The following SESN1 variants were observed in gnomAD, a reference collection of about 807,000 sequenced individuals.
SESN1 encodes sestrin 1.
SESN1 carries 30 observed loss-of-function variants against 59.3 expected under a neutral mutation model. The observed-to-expected ratio is 0.51, with a 90% CI of 0.38 to 0.69. The LOEUF is 0.69. Ranked by LOEUF, SESN1 falls within the 30% of genes least tolerant of loss-of-function variation. The pLI, the probability that SESN1 is intolerant of heterozygous loss-of-function variation, is 0.00. For missense variants in SESN1, 566 were observed against 673.0 expected (o/e 0.84, Z 1.76); for synonymous variants, 197 against 219.9 (o/e 0.90, Z 0.92).
intron 1 of SESN1, among the ~76,000 whole-genome samples, chr6:109,093,207 T>C (rs1403854583): frequency 6.6e-6 from 1 of 152,212 alleles, no homozygotes; most frequent in Non-Finnish European, 1.5e-5. Context: ...CAGAGAAAGC[T>C]AGTTGAGCAA....
chr6:108,989,576 T>C (rs1779316534), intron 8 of SESN1, among the ~76,000 whole-genome samples: 1 of 151,328 alleles, frequency 6.6e-6, no homozygotes, highest in Non-Finnish European at 1.5e-5. Flanking sequence ...TCTAGAGATA[T>C]CTATATATAG....
At chr6:109,069,745 G>GT (rs937981680) in intron 1 of SESN1, among the ~76,000 whole-genome samples, 8 of 148,300 alleles carry the variant, frequency 5.4e-5, no homozygotes, top group African/African-American at 1.8e-4. Flanking sequence ...ATGGTGGGAG[G>GT]GGGGGTCTCA....
At chr6:109,006,026 G>T (rs1168693604) in intron 1 of SESN1, among the ~76,000 whole-genome samples, 1 of 151,990 alleles carries the variant, frequency 6.6e-6, no homozygotes, top group African/African-American at 2.4e-5. Context: ...CTTATTTCTT[G>T]AATAACACTG....
intron 1 of SESN1, among the ~76,000 whole-genome samples, chr6:109,019,599 T>G (rs1779978068): frequency 6.6e-6 from 1 of 152,206 alleles, no homozygotes; most frequent in African/African-American, 2.4e-5. Context: ...CTCTTATCCT[T>G]TAGTGACACA....
intron 1 of SESN1, among the ~76,000 whole-genome samples, chr6:109,078,558 A>C (rs1032309763): frequency 6.6e-6 from 1 of 152,138 alleles, no homozygotes; most frequent in African/African-American, 2.4e-5. Context: ...GCCCTCTAGA[A>C]AGTCTGGCTG....
At chr6:109,035,640 G>A (rs538858001) in intron 1 of SESN1, among the ~76,000 whole-genome samples, 6 of 151,728 alleles carry the variant, frequency 4.0e-5, no homozygotes, top group South Asian at 2.1e-4. Context: ...TTTGAGAAGG[G>A]GTCTCACTCT....
At chr6:109,057,746 G>A (rs1477908553) in intron 1 of SESN1, among the ~76,000 whole-genome samples, 1 of 152,116 alleles carries the variant, frequency 6.6e-6, no homozygotes, top group East Asian at 1.9e-4. Context: ...TCAGTAGAAT[G>A]CCTACTTCTT....
rs1779170785 is a variant in SESN1 at position 108,985,877 on chromosome 6, A to AAAC, written c.*1664_*1666dup. Among the ~76,000 whole-genome samples the AAAC allele has an allele frequency of 6.6e-6, 1 of 152,198 alleles. No homozygotes were observed. The highest frequency in any genetic ancestry group is 2.1e-4 in the South Asian group (1 of 4,832). On this transcript the variant is annotated 3_prime_UTR_variant, in exon 10 of 10. Transcript: ENST00000436639. ...TTATAAGTAAGTTTCTTTAAATATAAAACATATTGAAGATAATAATACTCT... is the reference window on the plus strand; with the variant it reads ...TTATAAGTAAGTTTCTTTAAATATAAAACAACATATTGAAGATAATAATACTCT...
chr6:109,003,739 G>T (rs1045443172), intron 1 of SESN1, among the ~76,000 whole-genome samples: 7 of 152,062 alleles, frequency 4.6e-5, no homozygotes, highest in Non-Finnish European at 7.4e-5. Context: ...GAATGCCAGA[G>T]GACATCCCTG....
At chr6:109,014,257 G>A (rs79396909) in intron 1 of SESN1, among the ~76,000 whole-genome samples, 3,868 of 152,048 alleles carry the variant, frequency 0.025, 163 homozygotes, top group African/African-American at 0.088. Context: ...GTTAAATAAC[G>A]GTCAGGTTTT....
chr6:108,985,908 T>C lies in SESN1; in HGVS notation c.*1636A>G, dbSNP rs1232967357. 1.3e-5 allele frequency among the ~76,000 whole-genome samples: 2 copies of C among 152,206 alleles called. No individual in the cohort carries two copies. Among genetic ancestry groups the C allele is most frequent in the African/African-American group, 4.8e-5 (2 of 41,454 alleles). ...ATTGAAGATAATAATACTCTATTCCTAGCTAAGGTTATAGTCTTGTCTTCT... is the reference window on the plus strand; with the variant it reads ...ATTGAAGATAATAATACTCTATTCCCAGCTAAGGTTATAGTCTTGTCTTCT... On this transcript the variant is annotated 3_prime_UTR_variant, in exon 10 of 10. Coordinates refer to ENST00000436639, the MANE Select transcript of SESN1 (RefSeq NM_014454.3).
rs932904212 is a variant in SESN1 at position 108,986,004 on chromosome 6, C to CACACT, written c.*1535_*1539dup. Among the ~76,000 whole-genome samples, 2 of 152,132 alleles carry CACACT rather than the reference C, an allele frequency of 1.3e-5. No homozygotes were observed. Among genetic ancestry groups the CACACT allele is most frequent in the African/African-American group, 2.4e-5 (1 of 41,436 alleles). Reference sequence around the variant, plus strand: ...ATTGATCCTTCCCAACCCCTACTTCCACACTACCCCATACATTTGTAGGCA... The same window carrying CACACT: ...ATTGATCCTTCCCAACCCCTACTTCCACACTACACTACCCCATACATTTGTAGGCA... On this transcript the variant is annotated 3_prime_UTR_variant, in exon 10 of 10. Transcript: ENST00000436639.
chr6:109,000,771 G>T, intron 3 of SESN1, 98 bp from the exon 4 acceptor site: 1 of 1,047,192 alleles, frequency 9.5e-7, no homozygotes, highest in Non-Finnish European at 1.2e-6. Flanking sequence ...AAGTTTATTA[G>T]TATGTTTTCA....
At chr6:109,039,324 T>C (rs922024508) in intron 1 of SESN1, among the ~76,000 whole-genome samples, 16 of 152,264 alleles carry the variant, frequency 1.1e-4, no homozygotes, top group Non-Finnish European at 1.0e-4. Flanking sequence ...TAAGTCATAA[T>C]AGCTTATTAA....
intron 7 of SESN1, 81 bp downstream of exon 7, chr6:108,992,706 C>T (rs765012922): frequency 1.9e-4 from 167 of 884,382 alleles, no homozygotes; most frequent in Non-Finnish European, 3.1e-4. Flanking sequence ...GCATAGTTCT[C>T]AAATCTAAGT....
At chr6:109,040,037 G>A (rs764685893) in intron 1 of SESN1, among the ~76,000 whole-genome samples, 2 of 152,192 alleles carry the variant, frequency 1.3e-5, no homozygotes, top group Non-Finnish European at 2.9e-5. Flanking sequence ...TAGGAACCAC[G>A]ACTGGGAAAA....
intron 1 of SESN1, among the ~76,000 whole-genome samples, chr6:109,037,713 A>G (rs998780648): frequency 2.6e-5 from 4 of 152,222 alleles, no homozygotes; most frequent in Admixed American, 6.5e-5. Flanking sequence ...ACAATCATCA[A>G]TAAAATCAAG....
At chr6:109,007,785 CTTTTTT>C (rs3083610) in intron 1 of SESN1, among the ~76,000 whole-genome samples, 13,657 of 103,356 alleles carry the variant, frequency 0.13, 694 homozygotes, top group Middle Eastern at 0.3. Flanking sequence ...AGTCCAGGTA[CTTTTTT>C]TTTTTTTTTT....
chr6:108,994,295 T>G (rs1369625675), intron 6 of SESN1, among the ~76,000 whole-genome samples, 167 bp downstream of exon 6: 1 of 152,184 alleles, frequency 6.6e-6, no homozygotes, highest in Non-Finnish European at 1.5e-5. Flanking sequence ...TTATGACCTT[T>G]TCTTAGTTGC....
Sources: allele counts gnomAD v4.1 joint callset (sites outside exome capture counted in the v4.1 genomes callset), GRCh38; gene constraint gnomAD v4.1.1; transcripts MANE v1.5; gene names NCBI Gene and HGNC (gene_info 2026-07-23, HGNC 2026-07-21).